AOC1: variants seen among roughly 807,000 people sequenced by gnomAD.
AOC1 encodes the protein amine oxidase copper containing 1.
A neutral mutation model predicts 57.1 loss-of-function variants in AOC1; 58 were observed. The observed-to-expected ratio is 1.02, with a 90% confidence interval of 0.82 to 1.26. The LOEUF (loss-of-function observed/expected upper bound fraction) is 1.26. AOC1 is among the 50% of genes most tolerant of loss of function. AOC1 has a pLI of 0.00. For synonymous variants in AOC1, 401 were observed against 423.4 expected, an observed-to-expected ratio of 0.95 and a Z score of 0.65; for missense variants, 917 against 1,005.3, an observed-to-expected ratio of 0.91 and a Z score of 1.19.
At chr7:150,860,355 T>C (rs1399616266) in intron 3 of AOC1, 146 bp from the exon 4 acceptor site, 2 of 1,423,492 alleles carry the variant, frequency 1.4e-6, no homozygotes, top group Non-Finnish European at 1.9e-6. Flanking sequence ...CAGCAGCCCG[T>C]CCTGCTGACT....
At position 150,857,224 on chromosome 7, in the gene AOC1, A is replaced by G. The variant is rs775538498; in HGVS notation, c.754A>G (p.Lys252Glu). The change falls in exon 2 of 5, where the codon AAG becomes GAG. Residue 252 changes from lysine (K) to glutamate (E), a missense_variant. Physicochemically the swap from Lys to Glu is moderately conservative, Grantham distance 56. Coordinates refer to ENST00000360937, the MANE Select transcript of AOC1 (RefSeq NM_001091.4). The surrounding 1 kb of genome is among the most constrained non-coding windows in gnomAD (Gnocchi z 6.6). ...FYGSPEELAR[K>E]YADGEVDVVV... ...TGGGAGCCCAGAGGAACTGGCTCGG[A>G]AGTATGCAGATGGAGAGGTGGACGT... is the stretch of plus-strand genomic sequence containing the variant. The G allele has an allele frequency of 6.2e-7, 1 of 1,612,638 alleles. No individual in the cohort carries two copies. The highest frequency in any genetic ancestry group is 8.5e-7 in the Non-Finnish European group (1 of 1,179,212).
rs146431103 is a variant in AOC1 at position 150,852,714 on chromosome 7, G to A, written c.-17+156G>A. On this transcript the variant is annotated intron_variant, in intron 1 of 4. Transcript: ENST00000360937. The surrounding 1 kb of genome is among the most constrained non-coding windows in gnomAD (Gnocchi z 4.6). ...GCGGGAGCCCAGCACATCACAGAAGGTGCCCGGGTGCTTGGTGGCAGGCAA... is the reference window on the plus strand; with the variant it reads ...GCGGGAGCCCAGCACATCACAGAAGATGCCCGGGTGCTTGGTGGCAGGCAA... Among the ~76,000 whole-genome samples, 421 of 152,290 alleles carry A rather than the reference G, an allele frequency of 2.8e-3. No individual in the cohort carries two copies. The highest frequency in any genetic ancestry group is 9.8e-3 in the African/African-American group (408 of 41,562).
In AOC1 at chr7:150,857,840, C is replaced by G; in HGVS notation, c.1370C>G (p.Thr457Ser). ...GTGCTGGTGCTGCGGACAACTTCAACTGTCTACAATTATGATTACATTTGG... is the reference window on the plus strand; with the variant it reads ...GTGCTGGTGCTGCGGACAACTTCAAGTGTCTACAATTATGATTACATTTGG... ...GQVLVLRTTS[T>S]VYNYDYIWDF... The change falls in exon 2 of 5, where the codon ACT becomes AGT. Residue 457 changes from threonine (T) to serine (S), a missense_variant. Thr to Ser is a moderately conservative substitution (Grantham distance 58, BLOSUM62 1). Transcript: ENST00000360937. The surrounding 1 kb of genome is among the most constrained non-coding windows in gnomAD (Gnocchi z 6.6). 6.2e-7 allele frequency: 1 copy of G among 1,614,106 alleles called. No homozygotes were observed. The highest frequency in any genetic ancestry group is 8.5e-7 in the Non-Finnish European group (1 of 1,179,934).
At position 150,857,244 on chromosome 7, in the gene AOC1, G is replaced by A. The variant is rs1418239300; in HGVS notation, c.774G>A (p.Val258=). 1.2e-6 allele frequency: 2 copies of A among 1,611,602 alleles called. No individual in the cohort carries two copies. Among genetic ancestry groups the A allele is most frequent in the Non-Finnish European group, 8.5e-7 (1 of 1,178,726 alleles). Residue 258 remains valine, a synonymous_variant, in exon 2 of 5, where the codon GTG becomes GTA. Coordinates refer to ENST00000360937, the MANE Select transcript of AOC1 (RefSeq NM_001091.4). The surrounding 1 kb of genome is among the most constrained non-coding windows in gnomAD (Gnocchi z 6.6). ...ELARKYADGE[V]DVVVLEDPLP... is the part of the protein sequence containing the mutation. ...CTCGGAAGTATGCAGATGGAGAGGTGGACGTGGTGGTCCTGGAGGACCCGC... is the reference window on the plus strand; with the variant it reads ...CTCGGAAGTATGCAGATGGAGAGGTAGACGTGGTGGTCCTGGAGGACCCGC...
Position 150,859,820 on chromosome 7 carries a change from AGAG to A in AOC1, c.1857-670_1857-668del, listed in dbSNP as rs1373651140. On this transcript the variant is annotated intron_variant, in intron 3 of 4. Transcript: ENST00000360937. ...TCCTTCACTTTAAGTGGGCTGAGGA[AGAG>A]GAGGAGGAGGGGCTGGTCTTGCTGT... 6 of 155,052 alleles carry A rather than the reference AGAG, an allele frequency of 3.9e-5. No individual in the cohort carries two copies. In the South Asian group the frequency reaches 5.8e-4, roughly 15 times the overall value. The allele number at this position is 155,052 out of a possible 1,614,324, so 9.6% of individuals were successfully genotyped here.
In AOC1 at chr7:150,856,214, G is replaced by A. The variant is rs899480950; in HGVS notation, c.-16-241G>A. ...TTCCCCTGAGTAAGGAAGGCTGCAG[G>A]ACTGAAGGACATTTACAGAGGAGTG... On this transcript the variant is annotated intron_variant, in intron 1 of 4. Transcript: ENST00000360937. This position sits in a 1 kb window ranked among gnomAD's most constrained non-coding sequence, Gnocchi z 5.2. Among the ~76,000 whole-genome samples the A allele has an allele frequency of 1.3e-5, 2 of 152,184 alleles. No individual in the cohort carries two copies. Among genetic ancestry groups the A allele is most frequent in the Non-Finnish European group, 1.5e-5 (1 of 68,026 alleles).
In AOC1 at chr7:150,853,686, TATATA is replaced by T. The variant is rs1563087102; in HGVS notation, c.-17+1129_-17+1133del. 5.3e-3 allele frequency among the ~76,000 whole-genome samples: 491 copies of T among 92,724 alleles called. 7 individuals are homozygous for T. The highest frequency in any genetic ancestry group is 0.041 in the South Asian group (142 of 3,498). 60.8% of individuals were successfully genotyped at this position (92,724 alleles called of 152,430 possible). ...CTATATATATATATATATATATATATATATATATATATTTATTTATTTATTTATTT... is the reference window on the plus strand; with the variant it reads ...CTATATATATATATATATATATATATTATATATTTATTTATTTATTTATTT... On this transcript the variant is annotated intron_variant, in intron 1 of 4. Coordinates refer to ENST00000360937, the MANE Select transcript of AOC1 (RefSeq NM_001091.4).
At position 150,856,767 on chromosome 7, in the gene AOC1, C is replaced by T. The variant is rs769552989; in HGVS notation, c.297C>T (p.Ala99=). 1.5e-5 allele frequency: 24 copies of T among 1,614,006 alleles called. No individual in the cohort carries two copies. Among genetic ancestry groups the T allele is most frequent in the Middle Eastern group, 1.6e-4 (1 of 6,084 alleles). The part of the protein sequence containing the change: ...GERHPVREAR[A]VIFFGDQEHP... ...GGCATCCTGTGCGGGAAGCCCGTGC[C>T]GTCATCTTCTTTGGTGACCAGGAGC... Residue 99 remains alanine (A), a synonymous_variant, in exon 2 of 5, where the codon GCC becomes GCT. Coordinates refer to ENST00000360937, the MANE Select transcript of AOC1 (RefSeq NM_001091.4). This position sits in a 1 kb window ranked among gnomAD's most constrained non-coding sequence, Gnocchi z 5.2.
rs1799878222 is a variant in AOC1, at chr7:150,858,921, C to T, written c.1729C>T (p.Leu577=). Residue 577 remains leucine, a synonymous_variant, in exon 3 of 5, where the codon CTG becomes TTG. Transcript: ENST00000360937. The part of the protein sequence containing the change: ...FRFKRKLPKY[L]LFTSPQENPW... Reference sequence around the variant, plus strand: ...CTTCAAAAGGAAGCTGCCTAAGTACCTGCTCTTTACCAGCCCCCAGGAGAA... The same window carrying T: ...CTTCAAAAGGAAGCTGCCTAAGTACTTGCTCTTTACCAGCCCCCAGGAGAA... The T allele has an allele frequency of 6.2e-7, 1 of 1,612,734 alleles. No homozygotes were observed. The highest frequency in any genetic ancestry group is 8.5e-7 in the Non-Finnish European group (1 of 1,179,324).
At position 150,860,488 on chromosome 7, in the gene AOC1, C is replaced by T. The variant is rs768085614; in HGVS notation, c.1857-13C>T. 6.2e-7 allele frequency: 1 copy of T among 1,613,946 alleles called. No homozygotes were observed. Among genetic ancestry groups the T allele is most frequent in the Non-Finnish European group, 8.5e-7 (1 of 1,179,958 alleles). ...AGGGCCCTGAGCCAAGCTGCTTCGC[C>T]TGTGCCTGGCAGGTACCCCCTGGCA... is the stretch of plus-strand genomic sequence containing the variant. On this transcript the variant is annotated splice_polypyrimidine_tract_variant and intron_variant, in intron 3 of 4. Transcript: ENST00000360937.
intron 2 of AOC1, 111 bp downstream of exon 2, chr7:150,858,151 G>T: frequency 1.5e-6 from 2 of 1,369,688 alleles, no homozygotes; most frequent in South Asian, 1.5e-5. Context: ...AGGAGCATTT[G>T]CCAAGCCTGC....
Position 150,857,340 on chromosome 7 carries a change from C to G in AOC1, c.870C>G (p.Asp290Glu). 6.2e-7 allele frequency: 1 copy of G among 1,602,606 alleles called. No homozygotes were observed. Among genetic ancestry groups the G allele is most frequent in the Non-Finnish European group, 8.5e-7 (1 of 1,172,814 alleles). Residue 290 changes from aspartate to glutamate, a missense_variant, in exon 2 of 5, where the codon GAC (aspartate) becomes GAG (glutamate). By Grantham distance (45) the Asp-to-Glu change is conservative (BLOSUM62 2). Coordinates refer to ENST00000360937, the MANE Select transcript of AOC1 (RefSeq NM_001091.4). The surrounding 1 kb of genome is among the most constrained non-coding windows in gnomAD (Gnocchi z 6.6). ...PLFSSHKPRG[D>E]FPSPIHVSGP... ...TCTCCTCCCACAAGCCCCGCGGGGA[C>G]TTCCCCAGCCCCATCCATGTGAGCG...
Position 150,856,329 on chromosome 7 carries a change from G to T in AOC1, c.-16-126G>T. 8.0e-7 allele frequency: 1 copy of T among 1,254,762 alleles called. No homozygotes were observed. Among genetic ancestry groups the T allele is most frequent in the Non-Finnish European group, 1.1e-6 (1 of 929,018 alleles). 77.7% of individuals were successfully genotyped at this position (1,254,762 alleles called of 1,614,324 possible). A position where few individuals can be genotyped will look rare whatever the true frequency, so the allele number is the denominator to read the frequency against. The stretch of plus-strand genomic sequence containing the variant: ...ATGGGGCCCCAGCTGCCCCAGGACA[G>T]CCTCCAGCTTGGGGCAGGGCAAGGG... On this transcript the variant is annotated intron_variant, in intron 1 of 4. Coordinates refer to ENST00000360937, the MANE Select transcript of AOC1 (RefSeq NM_001091.4). This position sits in a 1 kb window ranked among gnomAD's most constrained non-coding sequence, Gnocchi z 5.2.
In AOC1 at chr7:150,856,186, G is replaced by T. The variant is rs959057325; in HGVS notation, c.-16-269G>T. Among the ~76,000 whole-genome samples, 1 of 152,184 alleles carries T rather than the reference G, an allele frequency of 6.6e-6. No individual in the cohort carries two copies. Among genetic ancestry groups the T allele is most frequent in the African/African-American group, 2.4e-5 (1 of 41,452 alleles). On this transcript the variant is annotated intron_variant, in intron 1 of 4. Coordinates refer to ENST00000360937, the MANE Select transcript of AOC1 (RefSeq NM_001091.4). This position sits in a 1 kb window ranked among gnomAD's most constrained non-coding sequence, Gnocchi z 5.2. ...GCTGAGATAATACACAAAAACAAGG[G>T]TGTTCCCCTGAGTAAGGAAGGCTGC...
Position 150,858,187 on chromosome 7 carries a change from TTG to T in AOC1, c.1570+153_1570+154del. On this transcript the variant is annotated intron_variant, in intron 2 of 4. Coordinates refer to ENST00000360937, the MANE Select transcript of AOC1 (RefSeq NM_001091.4). Reference sequence around the variant, plus strand: ...TTCTGTAAAACCTAAAGCTAGAAATTTGTGTGTCCCTGAAAAATGGTGAAAGC... The same window carrying T: ...TTCTGTAAAACCTAAAGCTAGAAATTTGTGTCCCTGAAAAATGGTGAAAGC... The T allele has an allele frequency of 3.4e-6, 4 of 1,186,038 alleles. No homozygotes were observed. The Admixed American group carries it at 1.2e-4, about 35-fold the overall frequency. The allele number at this position is 1,186,038 out of a possible 1,614,324, so 73.5% of individuals were successfully genotyped here. A position where few individuals can be genotyped will look rare whatever the true frequency, so the allele number is the denominator to read the frequency against.
chr7:150,861,145 C>T lies in AOC1; in HGVS notation c.2192C>T (p.Pro731Leu). Residue 731 changes from proline (P) to leucine (L), a missense_variant, in exon 5 of 5, where the codon CCT becomes CTT. Physicochemically the swap from Pro to Leu is moderately conservative, Grantham distance 98. Coordinates refer to ENST00000360937, the MANE Select transcript of AOC1 (RefSeq NM_001091.4). The surrounding 1 kb of genome is among the most constrained non-coding windows in gnomAD (Gnocchi z 4.5). ...CCCAACTACGTCCAGCGCTGGATCC[C>T]TGAGGACAGGGACTGCTCGATGCCT... ...NGPNYVQRWI[P>L]EDRDCSMPPP... 1.9e-6 allele frequency: 3 copies of T among 1,614,026 alleles called. No homozygotes were observed. The highest frequency in any genetic ancestry group is 2.2e-5 in the East Asian group (1 of 44,880).
Position 150,857,946 on chromosome 7 carries a change from C to T in AOC1, c.1476C>T (p.Pro492=), listed in dbSNP as rs756124669. 59 of 1,608,152 alleles carry T rather than the reference C, an allele frequency of 3.7e-5. No homozygotes were observed. Among genetic ancestry groups the T allele is most frequent in the Non-Finnish European group, 4.8e-5 (56 of 1,178,774 alleles). The change falls in exon 2 of 5, where the codon CCC becomes CCT. Residue 492 remains proline (P), a synonymous_variant. Transcript: ENST00000360937. The surrounding 1 kb of genome is among the most constrained non-coding windows in gnomAD (Gnocchi z 6.6). ...ACGTCCACGCCACCTTCTACACCCC[C>T]GAGGGGCTGCGCCACGGCACTCGCC... is the stretch of plus-strand genomic sequence containing the variant. ...TGYVHATFYT[P]EGLRHGTRLH...
At chr7:150,852,368 T>C (rs1333376865), upstream of AOC1, 2 of 152,294 alleles carry the variant, frequency 1.3e-5, no homozygotes, top group African/African-American at 4.8e-5. This position sits in a 1 kb window ranked among gnomAD's most constrained non-coding sequence, Gnocchi z 4.6. Flanking sequence ...ACAGCCAGCT[T>C]CCTCAAACCC....
intron 3 of AOC1, among the ~76,000 whole-genome samples, chr7:150,859,467 G>A (rs770546927): frequency 1.3e-5 from 2 of 152,106 alleles, no homozygotes; most frequent in African/African-American, 2.4e-5. Flanking sequence ...ACTTTGGGAA[G>A]CTGAGGCAGA....
Sources: allele counts gnomAD v4.1 joint callset (sites outside exome capture counted in the v4.1 genomes callset), GRCh38; gene constraint gnomAD v4.1.1; non-coding constraint Gnocchi (gnomAD v3.1); transcripts MANE v1.5; gene names NCBI Gene and HGNC (gene_info 2026-07-23, HGNC 2026-07-21).